Variants in APOBEC3D observed in about 807,000 individuals in gnomAD.
APOBEC3D encodes the protein apolipoprotein B mRNA editing enzyme catalytic subunit 3D.
APOBEC3D carries 37 observed loss-of-function variants against 45.6 expected under a neutral mutation model. That is an observed-to-expected ratio of 0.81 (90% CI 0.62 to 1.07). The LOEUF (loss-of-function observed/expected upper bound fraction) is 1.07. Ranked by LOEUF, APOBEC3D falls within the 50% of genes least tolerant of loss-of-function variation. The pLI is 0.00. For missense variants in APOBEC3D, 496 were observed against 495.3 expected (o/e 1.00, Z -0.01); for synonymous variants, 175 against 180.7 (o/e 0.97, Z 0.25).
rs367561607 is a variant in APOBEC3D, at chr22:39,029,434, G to A, written c.677G>A (p.Arg226Gln). 27 of 1,614,146 alleles carry A rather than the reference G, an allele frequency of 1.7e-5. No homozygotes were observed. Among genetic ancestry groups the A allele is most frequent in the African/African-American group, 1.3e-4 (10 of 75,028 alleles). The change falls in exon 5 of 7, where the codon CGG (arginine) becomes CAG (glutamine). Residue 226 changes from arginine (R) to glutamine (Q), a missense_variant. Transcript: ENST00000216099. Reference protein sequence around the residue: ...HFKNLLKACGRNESWLCFTME... With the variant: ...HFKNLLKACGQNESWLCFTME... ...AAAAACCTACTGAAAGCCTGTGGTC[G>A]GAACGAAAGCTGGCTGTGCTTCACC...
rs1569055965 is a variant in APOBEC3D at position 39,025,132 on chromosome 22, A to T, written c.273A>T (p.Arg91=). ...MCFLSWFCGN[R]LPANRRFQIT... ...TCTTATCTTGGTTCTGTGGCAACCG[A>T]CTGCCTGCTAACAGGCGCTTCCAGA... Residue 91 remains arginine (R), a synonymous_variant, in exon 3 of 7, where the codon CGA becomes CGT. Coordinates refer to ENST00000216099, the MANE Select transcript of APOBEC3D (RefSeq NM_152426.4). 6.2e-7 allele frequency: 1 copy of T among 1,613,090 alleles called. No individual in the cohort carries two copies. Among genetic ancestry groups the T allele is most frequent in the East Asian group, 2.2e-5 (1 of 44,868 alleles).
At chr22:39,026,896 C>T (rs1404748770) in intron 4 of APOBEC3D, among the ~76,000 whole-genome samples, 2 of 152,098 alleles carry the variant, frequency 1.3e-5, no homozygotes, top group African/African-American at 4.8e-5. Flanking sequence ...GGATTACAGG[C>T]TCATGCCACC....
chr22:39,022,999 G>C lies in APOBEC3D; in HGVS notation c.195G>C (p.Ser65=), dbSNP rs768017264. 6.3e-7 allele frequency: 1 copy of C among 1,599,214 alleles called. No individual in the cohort carries two copies. Among genetic ancestry groups the C allele is most frequent in the Admixed American group, 1.7e-5 (1 of 58,378 alleles). The change falls in exon 2 of 7, where the codon TCG becomes TCC. Residue 65 remains serine, a synonymous_variant. Coordinates refer to ENST00000216099, the MANE Select transcript of APOBEC3D (RefSeq NM_152426.4). The part of the protein sequence containing the change: ...FRGPVLPKRQ[S]NHRQEVYFRF... ...GCCCGGTACTACCCAAACGTCAGTC[G>C]AATCACAGGCAGGAGGTAAGCAGCT... is the stretch of plus-strand genomic sequence containing the variant.
chr22:39,032,676 C>T lies in APOBEC3D; in HGVS notation c.*360C>T. The T allele has an allele frequency of 1.1e-6, 1 of 895,174 alleles. No homozygotes were observed. The highest frequency in any genetic ancestry group is 1.3e-6 in the Non-Finnish European group (1 of 744,928). The allele number at this position is 895,174 out of a possible 1,614,324, so 55.5% of individuals were successfully genotyped here. On this transcript the variant is annotated 3_prime_UTR_variant, in exon 7 of 7. Transcript: ENST00000216099. ...TGGCTGGATCTCAGCTCACTGCAAACTCTGCTTACTGGGTTCAAGTGATTC... is the reference window on the plus strand; with the variant it reads ...TGGCTGGATCTCAGCTCACTGCAAATTCTGCTTACTGGGTTCAAGTGATTC...
In APOBEC3D at chr22:39,025,448, G is replaced by A. The variant is rs754429373; in HGVS notation, c.490+99G>A. On this transcript the variant is annotated intron_variant, in intron 3 of 6. Coordinates refer to ENST00000216099, the MANE Select transcript of APOBEC3D (RefSeq NM_152426.4). Reference sequence around the variant, plus strand: ...GGCTGGGGGTGTTCCAGGGCAGCCTGCAGGGGTGGGGCTGGCACTGATTGC... The same window carrying A: ...GGCTGGGGGTGTTCCAGGGCAGCCTACAGGGGTGGGGCTGGCACTGATTGC... 3 of 1,613,552 alleles carry A rather than the reference G, an allele frequency of 1.9e-6. No homozygotes were observed. In the African/African-American group the frequency reaches 4.0e-5, roughly 22 times the overall value.
chr22:39,030,906 G>A (rs1243842494), intron 5 of APOBEC3D, among the ~76,000 whole-genome samples: 2 of 152,226 alleles, frequency 1.3e-5, no homozygotes, highest in Admixed American at 6.5e-5. Context: ...AGTAGCTCAC[G>A]CCTGCAATCC....
At chr22:39,024,478 C>G (rs1399008087) in intron 2 of APOBEC3D, among the ~76,000 whole-genome samples, 2 of 152,216 alleles carry the variant, frequency 1.3e-5, no homozygotes, top group African/African-American at 2.4e-5. Context: ...AAGCACGTGT[C>G]TTGGTGCACC....
intron 1 of APOBEC3D, 53 bp downstream of exon 1, chr22:39,021,589 G>A (rs1411069083): frequency 6.2e-7 from 1 of 1,612,600 alleles, no homozygotes; most frequent in South Asian, 1.1e-5. Flanking sequence ...CCTTCTGGTG[G>A]TCCTGCTGGG....
intron 1 of APOBEC3D, 82 bp from the exon 2 acceptor site, chr22:39,022,740 G>T: frequency 6.7e-7 from 1 of 1,502,566 alleles, no homozygotes; most frequent in Non-Finnish European, 8.9e-7. Context: ...GGGCCGTCCC[G>T]GGAGCTGTGT....
intron 4 of APOBEC3D, 44 bp downstream of exon 4, chr22:39,025,715 C>A (rs1236128243): frequency 6.2e-7 from 1 of 1,612,352 alleles, no homozygotes; most frequent in East Asian, 2.2e-5. Context: ...CCTCTCGCCT[C>A]CTGCTCATCC....
Position 39,033,140 on chromosome 22 carries a change from C to A in APOBEC3D, c.*824C>A. The A allele has an allele frequency of 2.6e-6, 1 of 383,712 alleles. No individual in the cohort carries two copies. Among genetic ancestry groups the A allele is most frequent in the Non-Finnish European group, 3.6e-6 (1 of 280,202 alleles). 23.8% of individuals were successfully genotyped at this position (383,712 alleles called of 1,614,324 possible). A position where few individuals can be genotyped will look rare whatever the true frequency, so the allele number is the denominator to read the frequency against. ...GATGAAGTGGGAGGACTGCTTGAGC[C>A]GGGGAGGTGGAGGCTGGAGTAAACT... On this transcript the variant is annotated 3_prime_UTR_variant, in exon 7 of 7. Transcript: ENST00000216099.
At chr22:39,023,520 T>C (rs1376560285) in intron 2 of APOBEC3D, among the ~76,000 whole-genome samples, 2 of 149,448 alleles carry the variant, frequency 1.3e-5, no homozygotes, top group African/African-American at 2.5e-5. Flanking sequence ...CAATCTTGGC[T>C]CATTCAACTT....
intron 6 of APOBEC3D, 107 bp from the exon 7 acceptor site, chr22:39,032,085 GGCCGGC>G (rs1926281602): frequency 6.3e-7 from 1 of 1,582,444 alleles, no homozygotes; most frequent in South Asian, 1.2e-5. Context: ...GCAGGGATGG[GGCCGGC>G]GCCAGCTGCA....
intron 5 of APOBEC3D, among the ~76,000 whole-genome samples, chr22:39,030,110 G>C (rs1400592118): frequency 6.6e-6 from 1 of 150,452 alleles, no homozygotes; most frequent in African/African-American, 2.5e-5. Context: ...GGAAGCGGTG[G>C]GTCTGGTGTC....
rs1414818140 is a variant in APOBEC3D at position 39,029,491 on chromosome 22, T to C, written c.734T>C (p.Phe245Ser). 5 of 1,614,050 alleles carry C rather than the reference T, an allele frequency of 3.1e-6. No individual in the cohort carries two copies. The East Asian group carries it at 6.7e-5, about 22-fold the overall frequency. ...GTTACAAAGCACCACTCAGCTGTCT[T>C]CCGGAAGAGGGGCGTCTTCCGAAAC... ...MEVTKHHSAV[F>S]RKRGVFRNQV... Residue 245 changes from phenylalanine (F) to serine (S), a missense_variant, in exon 5 of 7, where the codon TTC becomes TCC. Phe to Ser is a radical substitution (Grantham distance 155). Transcript: ENST00000216099.
intron 4 of APOBEC3D, among the ~76,000 whole-genome samples, chr22:39,026,625 C>T (rs1925691222): frequency 6.6e-6 from 1 of 152,214 alleles, no homozygotes; most frequent in Non-Finnish European, 1.5e-5. Flanking sequence ...CATGGCTTCC[C>T]CACCTAACAG....
Position 39,031,829 on chromosome 22 carries a change from G to A in APOBEC3D, c.898G>A (p.Val300Met), listed in dbSNP as rs762344787. 6 of 1,614,116 alleles carry A rather than the reference G, an allele frequency of 3.7e-6. No individual in the cohort carries two copies. The highest frequency in any genetic ancestry group is 5.1e-6 in the Non-Finnish European group (6 of 1,180,002). The change falls in exon 6 of 7, where the codon GTG becomes ATG. Residue 300 changes from valine (V) to methionine (M), a missense_variant. Transcript: ENST00000216099. ...WSPCPECAGE[V>M]AEFLARHSNV... is the part of the protein sequence containing the mutation. The stretch of plus-strand genomic sequence containing the variant: ...CCCTTGCCCAGAGTGTGCAGGGGAG[G>A]TGGCCGAGTTCCTGGCCAGGCACAG...
Position 39,021,437 on chromosome 22 carries a change from G to A in APOBEC3D, c.-83G>A, listed in dbSNP as rs921581589. ...TCACTTTAAGGAGGGCTGTCCAACT[G>A]CAAGGAGCCGCAAGCAGGAAGTGAA... On this transcript the variant is annotated 5_prime_UTR_variant, in exon 1 of 7. Transcript: ENST00000216099. 2 of 1,606,568 alleles carry A rather than the reference G, an allele frequency of 1.2e-6. No individual in the cohort carries two copies. The highest frequency in any genetic ancestry group is 1.7e-6 in the Non-Finnish European group (2 of 1,174,194).
rs766995098 is a variant in APOBEC3D at position 39,031,940 on chromosome 22, G to C, written c.1009G>C (p.Glu337Gln). Residue 337 changes from glutamate to glutamine, a missense_variant, in exon 6 of 7, where the codon GAA becomes CAA. Physicochemically the swap from Glu to Gln is conservative, Grantham distance 29. Coordinates refer to ENST00000216099, the MANE Select transcript of APOBEC3D (RefSeq NM_152426.4). ...YQEGLCSLSQ[E>Q]GASVKIMGYK... is the part of the protein sequence containing the mutation. ...GGAGGGGCTCTGCAGCCTGAGTCAG[G>C]AAGGGGCCTCCGTGAAGATCATGGG... is the stretch of plus-strand genomic sequence containing the variant. The C allele has an allele frequency of 1.2e-6, 2 of 1,614,212 alleles. No individual in the cohort carries two copies. The highest frequency in any genetic ancestry group is 1.3e-5 in the African/African-American group (1 of 75,056).
Sources: gnomAD v4.1 joint callset for allele counts (sites outside exome capture counted in the v4.1 genomes callset) on GRCh38, gnomAD v4.1.1 for gene constraint, MANE v1.5 for transcripts, NCBI Gene and HGNC (gene_info 2026-07-23, HGNC 2026-07-21) for gene names.